Variants in ALDH1A2 observed in about 807,000 individuals in gnomAD.
ALDH1A2 encodes the protein retinal dehydrogenase 2.
ALDH1A2 carries 27 observed loss-of-function variants against 60.3 expected under a neutral mutation model. The ratio of observed to expected loss-of-function variants is 0.45; its 90% CI spans 0.33 to 0.62. The LOEUF is 0.62. Ranked by LOEUF, ALDH1A2 falls within the 20% of genes least tolerant of loss-of-function variation. ALDH1A2 has a pLI of 0.02. For missense variants in ALDH1A2, 581 were observed against 643.8 expected (o/e 0.90, Z 1.06); for synonymous variants, 289 against 232.4 (o/e 1.24, Z -2.21).
intron 1 of ALDH1A2, among the ~76,000 whole-genome samples, chr15:58,055,751 C>A (rs1994927): frequency 0.44 from 66,118 of 151,678 alleles, 15,313 homozygotes; most frequent in Non-Finnish European, 0.53. Context: ...AATATATACA[C>A]CAGCTTTGGG....
chr15:57,966,150 G>A (rs1171420917), intron 7 of ALDH1A2, among the ~76,000 whole-genome samples: 1 of 152,164 alleles, frequency 6.6e-6, no homozygotes, highest in Non-Finnish European at 1.5e-5. Context: ...TTCAATCACT[G>A]CATTGTGGCC....
At chr15:58,006,779 T>C (rs1015239570) in intron 4 of ALDH1A2, among the ~76,000 whole-genome samples, 10 of 151,032 alleles carry the variant, frequency 6.6e-5, no homozygotes, top group African/African-American at 2.4e-4. Context: ...AGGGAAAATT[T>C]TGAGTCACCT....
intron 1 of ALDH1A2, among the ~76,000 whole-genome samples, chr15:58,018,453 G>T (rs1346054731): frequency 6.6e-6 from 1 of 152,028 alleles, no homozygotes; most frequent in Non-Finnish European, 1.5e-5. Flanking sequence ...AAATACCATA[G>T]TAATAACTGC....
At chr15:57,960,498 T>G (rs1430204066) in intron 12 of ALDH1A2, among the ~76,000 whole-genome samples, 3 of 152,212 alleles carry the variant, frequency 2.0e-5, no homozygotes, top group African/African-American at 7.2e-5. Flanking sequence ...TTCTCTGTAC[T>G]GACAAAATGT....
At chr15:57,988,191 C>G (rs1894774329) in intron 7 of ALDH1A2, among the ~76,000 whole-genome samples, 1 of 152,112 alleles carries the variant, frequency 6.6e-6, no homozygotes, top group Non-Finnish European at 1.5e-5. Context: ...GCAACAATAA[C>G]ACAAAGGATG....
intron 5 of ALDH1A2, 74 bp downstream of exon 5, chr15:57,995,004 G>T: frequency 1.5e-6 from 2 of 1,372,100 alleles, no homozygotes; most frequent in South Asian, 1.2e-5. Flanking sequence ...CATCGCTGAG[G>T]ACCATGTTTT....
intron 1 of ALDH1A2, among the ~76,000 whole-genome samples, chr15:58,025,680 T>C (rs773127942): frequency 6.6e-6 from 1 of 152,220 alleles, no homozygotes; most frequent in African/African-American, 2.4e-5. Context: ...TACCTGAGGA[T>C]AGATAATTTA....
At position 57,995,168 on chromosome 15, in the gene ALDH1A2, G is replaced by C. The variant is rs114333284; in HGVS notation, c.494-29C>G. 1,140 of 1,205,508 alleles carry C rather than the reference G, an allele frequency of 9.5e-4. 8 individuals carry two copies. The African/African-American group carries it at 0.02, about 22-fold the overall frequency. 74.7% of individuals were successfully genotyped at this position (1,205,508 alleles called of 1,614,324 possible). A position where few individuals can be genotyped will look rare whatever the true frequency, so the allele number is the denominator to read the frequency against. On this transcript the variant is annotated intron_variant, in intron 4 of 12. Coordinates refer to ENST00000249750, the MANE Select transcript of ALDH1A2 (RefSeq NM_003888.4). ...AAAGAAAAAAGCATGGTCACTCCCA[G>C]AAAGTTTAGATTAGGAAAAAAAATG...
chr15:57,955,804 C>G (rs1158877730), intron 12 of ALDH1A2, among the ~76,000 whole-genome samples: 2 of 151,742 alleles, frequency 1.3e-5, no homozygotes, highest in South Asian at 2.1e-4. Flanking sequence ...TCCTGTCCTT[C>G]TGCGTGTTTA....
chr15:57,960,216 A>G (rs1271476133), intron 12 of ALDH1A2, among the ~76,000 whole-genome samples: 1 of 152,182 alleles, frequency 6.6e-6, no homozygotes. Context: ...ATCTTCCTCC[A>G]TAGACCAAGC....
At chr15:57,975,375 A>G (rs1427089987) in intron 7 of ALDH1A2, among the ~76,000 whole-genome samples, 2 of 152,276 alleles carry the variant, frequency 1.3e-5, no homozygotes, top group African/African-American at 4.8e-5. Context: ...CTGAATGGCT[A>G]TTAAACCTGA....
At chr15:57,987,319 A>G (rs1894737609) in intron 7 of ALDH1A2, among the ~76,000 whole-genome samples, 1 of 152,212 alleles carries the variant, frequency 6.6e-6, no homozygotes, top group Admixed American at 6.5e-5. Flanking sequence ...TCACAGATAT[A>G]CAGAAATTTT....
intron 4 of ALDH1A2, among the ~76,000 whole-genome samples, chr15:58,005,981 T>C (rs550723312): frequency 2.0e-5 from 3 of 151,706 alleles, no homozygotes; most frequent in Non-Finnish European, 4.4e-5. Flanking sequence ...AAGTACAGAG[T>C]GTTCTCAGAG....
intron 1 of ALDH1A2, among the ~76,000 whole-genome samples, chr15:58,060,463 CTTTTTTTT>C (rs35187901): frequency 1.1e-5 from 1 of 87,510 alleles, no homozygotes; most frequent in Admixed American, 1.5e-4. Context: ...CCACACATAT[CTTTTTTTT>C]TTTTTTTTTT....
rs2140440472 is a variant in ALDH1A2, at chr15:57,954,961, TTATCCCACTTTCCCCAA to T, written c.*219_*235del. The T allele has an allele frequency of 1.7e-6, 1 of 589,974 alleles. No individual in the cohort carries two copies. Among genetic ancestry groups the T allele is most frequent in the South Asian group, 2.0e-5 (1 of 50,144 alleles). The allele number at this position is 589,974 out of a possible 1,614,324, so 36.5% of individuals were successfully genotyped here. ...TGTCTGCTAGCTCCTCCTCCTCCCT[TTATCCCACTTTCCCCAA>T]TATTTGGTATGATTAAGGTGGCCCC... On this transcript the variant is annotated 3_prime_UTR_variant, in exon 13 of 13. Transcript: ENST00000249750.
intron 1 of ALDH1A2, among the ~76,000 whole-genome samples, chr15:58,027,858 G>A (rs1896121103): frequency 1.3e-5 from 2 of 152,004 alleles, no homozygotes; most frequent in South Asian, 2.1e-4. Flanking sequence ...AAAAAAGAGT[G>A]AAAAGAAAGA....
At chr15:57,986,400 T>C (rs747540000) in intron 7 of ALDH1A2, among the ~76,000 whole-genome samples, 32 of 151,834 alleles carry the variant, frequency 2.1e-4, no homozygotes, top group Admixed American at 1.3e-4. Context: ...AAACTAGTCT[T>C]AACAAAGCTT....
intron 7 of ALDH1A2, chr15:57,990,590 A>C (rs1488479007): frequency 6.6e-6 from 1 of 152,324 alleles, no homozygotes; most frequent in Middle Eastern, 3.4e-3. Flanking sequence ...AAGTTACACA[A>C]TAGGCCGGAC....
rs1460297023 is a variant in ALDH1A2, at chr15:58,065,668, C to T, written c.-18G>A. On this transcript the variant is annotated 5_prime_UTR_variant, in exon 1 of 13. Coordinates refer to ENST00000249750, the MANE Select transcript of ALDH1A2 (RefSeq NM_003888.4). ...GAAGTCATGGTGGCGGGCCGGGTGT[C>T]CCTAGCCCGCGGCGTGGGGCAGTGC... is the stretch of plus-strand genomic sequence containing the variant. 1 of 1,549,636 alleles carries T rather than the reference C, an allele frequency of 6.5e-7. No homozygotes were observed. The highest frequency in any genetic ancestry group is 2.3e-5 in the East Asian group (1 of 43,198).
Sources: gnomAD v4.1 joint callset for allele counts (sites outside exome capture counted in the v4.1 genomes callset) on GRCh38, gnomAD v4.1.1 for gene constraint, MANE v1.5 for transcripts, NCBI Gene and HGNC (gene_info 2026-07-23, HGNC 2026-07-21) for gene names.